The following PACRG variants were observed in gnomAD, a reference collection of about 807,000 sequenced individuals.
PACRG encodes the protein parkin coregulated, also known as parkin coregulated gene protein.
A neutral mutation model predicts 29.7 loss-of-function variants in PACRG; 29 were observed. The ratio of observed to expected loss-of-function variants is 0.98; its 90% CI spans 0.73 to 1.33. The LOEUF is 1.33. Among genes scored for constraint, PACRG ranks in the 40% most tolerant of loss-of-function variants. The pLI is 0.00. For synonymous variants in PACRG, 116 were observed against 118.7 expected, an observed-to-expected ratio of 0.98 and a Z score of 0.15; for missense variants, 279 against 316.2, an observed-to-expected ratio of 0.88 and a Z score of 0.89.
intron 4 of PACRG, among the ~76,000 whole-genome samples, chr6:163,113,195 TGA>T (rs1240333135): frequency 6.6e-6 from 1 of 152,126 alleles, no homozygotes; most frequent in Non-Finnish European, 1.5e-5. Flanking sequence ...TTACAGAATC[TGA>T]GGAATAGAAA....
At chr6:163,312,888 G>T in intron 4 of PACRG, 1 of 350,110 alleles carries the variant, frequency 2.9e-6, no homozygotes. Context: ...AAGTAGCTGA[G>T]ATTATAGGTA....
chr6:162,761,964 C>CCG (rs1299441878), intron 1 of PACRG, among the ~76,000 whole-genome samples: 6 of 146,286 alleles, frequency 4.1e-5, no homozygotes, highest in Non-Finnish European at 9.0e-5. Flanking sequence ...AAACCCCCCC[C>CCG]CAAAAAAAAA....
chr6:162,838,307 C>T (rs907838799), intron 2 of PACRG, among the ~76,000 whole-genome samples: 3 of 152,164 alleles, frequency 2.0e-5, no homozygotes, highest in African/African-American at 7.2e-5. Context: ...ACCTAAGTTA[C>T]TTTGATTCTT....
chr6:162,888,258 C>G (rs6939042), intron 2 of PACRG, among the ~76,000 whole-genome samples: 25,459 of 151,734 alleles, frequency 0.17, 2,588 homozygotes, highest in East Asian at 0.35. Flanking sequence ...TGAGCACTTC[C>G]CATCCTGGAG....
At chr6:163,138,460 A>G (rs1817026648) in intron 4 of PACRG, among the ~76,000 whole-genome samples, 1 of 152,082 alleles carries the variant, frequency 6.6e-6, no homozygotes, top group African/African-American at 2.4e-5. Flanking sequence ...ATGGAGGACA[A>G]TTTTTCCAGT....
chr6:163,154,830 G>T (rs111908672), intron 4 of PACRG, among the ~76,000 whole-genome samples: 1 of 152,196 alleles, frequency 6.6e-6, no homozygotes, highest in Non-Finnish European at 1.5e-5. Context: ...ACACATACAT[G>T]GTCTATGTCC....
chr6:163,095,792 T>C (rs1814529271), intron 4 of PACRG, among the ~76,000 whole-genome samples: 1 of 152,206 alleles, frequency 6.6e-6, no homozygotes, highest in Non-Finnish European at 1.5e-5. Flanking sequence ...TATTACTTTA[T>C]CTTAACTACT....
intron 1 of PACRG, among the ~76,000 whole-genome samples, chr6:162,745,749 C>A (rs1399558264): frequency 6.6e-6 from 1 of 151,940 alleles, no homozygotes; most frequent in Non-Finnish European, 1.5e-5. Context: ...AACTTTCAAG[C>A]CTGTGTGAGG....
chr6:162,970,508 A>G (rs1242377654), intron 2 of PACRG, among the ~76,000 whole-genome samples: 2 of 152,140 alleles, frequency 1.3e-5, no homozygotes, highest in Non-Finnish European at 1.5e-5. Flanking sequence ...GAACAAGCAC[A>G]ATAATGTTTA....
chr6:162,797,778 T>C (rs1267491718), intron 1 of PACRG, among the ~76,000 whole-genome samples: 2 of 152,198 alleles, frequency 1.3e-5, no homozygotes, highest in African/African-American at 2.4e-5. Context: ...CTCTCCTCTT[T>C]GTATTTTTGC....
chr6:163,143,293 C>G (rs1405106900), intron 4 of PACRG, among the ~76,000 whole-genome samples: 5 of 152,166 alleles, frequency 3.3e-5, no homozygotes, highest in Non-Finnish European at 1.5e-5. Flanking sequence ...GATGGAAACT[C>G]TTAGCAAACC....
At chr6:162,829,730 C>T (rs1414703292) in intron 2 of PACRG, among the ~76,000 whole-genome samples, 1 of 152,098 alleles carries the variant, frequency 6.6e-6, no homozygotes, top group African/African-American at 2.4e-5. Context: ...TTCTTTTTCT[C>T]CGGGTATAGG....
chr6:162,863,355 A>G (rs565224381), intron 2 of PACRG, among the ~76,000 whole-genome samples: 1 of 152,388 alleles, frequency 6.6e-6, no homozygotes, highest in South Asian at 2.1e-4. Context: ...TAACATAATC[A>G]GCAATGTTGA....
chr6:163,140,377 C>T (rs1817104352), intron 4 of PACRG, among the ~76,000 whole-genome samples: 1 of 152,142 alleles, frequency 6.6e-6, no homozygotes, highest in Non-Finnish European at 1.5e-5. Flanking sequence ...ATGAGAGTCT[C>T]CCTGTGGGGT....
intron 2 of PACRG, among the ~76,000 whole-genome samples, chr6:162,903,777 G>T (rs1254211132): frequency 6.6e-6 from 1 of 152,106 alleles, no homozygotes; most frequent in African/African-American, 2.4e-5. Context: ...CTCTTAATTT[G>T]GGAAACTGCC....
chr6:162,876,606 T>C (rs1261488714), intron 2 of PACRG, among the ~76,000 whole-genome samples: 1 of 152,222 alleles, frequency 6.6e-6, no homozygotes, highest in Non-Finnish European at 1.5e-5. Flanking sequence ...ATTCTGGATA[T>C]TAGTCCTTTG....
intron 4 of PACRG, among the ~76,000 whole-genome samples, chr6:163,248,598 T>C (rs966757617): frequency 9.2e-5 from 14 of 152,294 alleles, no homozygotes; most frequent in African/African-American, 3.4e-4. Context: ...TGCATGGCAA[T>C]TGCTTTCCCA....
At chr6:162,806,179 G>A (rs542855145) in intron 1 of PACRG, among the ~76,000 whole-genome samples, 1 of 151,196 alleles carries the variant, frequency 6.6e-6, no homozygotes, top group South Asian at 2.1e-4. Flanking sequence ...CACAATCTCA[G>A]CTTACTGCAA....
intron 4 of PACRG, among the ~76,000 whole-genome samples, chr6:163,215,431 G>A (rs930134518): frequency 5.9e-5 from 9 of 152,094 alleles, no homozygotes; most frequent in Admixed American, 2.0e-4. Flanking sequence ...TGTCTCTTCT[G>A]GAGTCAATTT....
Sources: gnomAD v4.1 joint callset for allele counts (sites outside exome capture counted in the v4.1 genomes callset) on GRCh38, gnomAD v4.1.1 for gene constraint, MANE v1.5 for transcripts, NCBI Gene and HGNC (gene_info 2026-07-23, HGNC 2026-07-21) for gene names.